Variants in ANXA3 observed in about 807,000 individuals in gnomAD.
The protein encoded by ANXA3 is 35-alpha calcimedin.
A neutral mutation model predicts 48.8 loss-of-function variants in ANXA3; 46 were observed. That is an observed-to-expected ratio of 0.94 (90% confidence interval 0.74 to 1.21). The LOEUF is 1.21. Among genes scored for constraint, ANXA3 ranks in the 50% most tolerant of loss-of-function variants. The pLI, the probability that ANXA3 is intolerant of heterozygous loss-of-function variation, is 0.00. For synonymous variants in ANXA3, 128 were observed against 134.7 expected, an observed-to-expected ratio of 0.95 and a Z score of 0.35; for missense variants, 383 against 378.6, an observed-to-expected ratio of 1.01 and a Z score of -0.10.
rs763898478 is a variant in ANXA3 at position 78,573,167 on chromosome 4, T to C, written c.16-13T>C. On this transcript the variant is annotated splice_polypyrimidine_tract_variant and intron_variant, in intron 2 of 12. Coordinates refer to ENST00000264908, the MANE Select transcript of ANXA3 (RefSeq NM_005139.3). ...ATTTTGAACCAATGGGACTTTCAAG[T>C]ATTTCCTTCTAGGTTGGACACCGAG... 1 of 1,590,518 alleles carries C rather than the reference T, an allele frequency of 6.3e-7. No individual in the cohort carries two copies. Among genetic ancestry groups the C allele is most frequent in the Admixed American group, 1.7e-5 (1 of 59,998 alleles).
At chr4:78,552,588 A>C (rs1438131471) in intron 1 of ANXA3, among the ~76,000 whole-genome samples, 6 of 152,170 alleles carry the variant, frequency 3.9e-5, no homozygotes, top group Non-Finnish European at 8.8e-5. Context: ...TATATAGGAA[A>C]GTATGCAGGT....
chr4:78,573,448 C>T (rs905931282), intron 3 of ANXA3, among the ~76,000 whole-genome samples, 181 bp downstream of exon 3: 3 of 152,168 alleles, frequency 2.0e-5, no homozygotes, highest in Non-Finnish European at 4.4e-5. Flanking sequence ...TAACATTTAT[C>T]ATATTTACTT....
chr4:78,602,213 C>G (rs1282737995), intron 11 of ANXA3: 1 of 134,354 alleles, frequency 7.4e-6, no homozygotes, highest in African/African-American at 2.9e-5. Flanking sequence ...GCACTCCAGT[C>G]TGGGCGACAG....
chr4:78,563,907 T>C (rs1054753193), intron 2 of ANXA3, among the ~76,000 whole-genome samples: 1 of 152,186 alleles, frequency 6.6e-6, no homozygotes, highest in Non-Finnish European at 1.5e-5. Flanking sequence ...GGGCTGAGTA[T>C]GTGGCCAGAA....
At chr4:78,572,933 C>A in intron 2 of ANXA3, 1 of 577,732 alleles carries the variant, frequency 1.7e-6, no homozygotes, top group Admixed American at 2.2e-5. Context: ...GTTAGTTTGC[C>A]CCACACCCAG....
intron 10 of ANXA3, 29 bp from the exon 11 acceptor site, chr4:78,601,481 A>C: frequency 6.2e-7 from 1 of 1,609,220 alleles, no homozygotes; most frequent in Non-Finnish European, 8.5e-7. Flanking sequence ...TATTCCGTGA[A>C]GCTGAACATT....
intron 10 of ANXA3, among the ~76,000 whole-genome samples, chr4:78,598,874 G>C (rs1330161895): frequency 6.6e-6 from 1 of 151,896 alleles, no homozygotes; most frequent in East Asian, 1.9e-4. Context: ...TCTGCTTGCT[G>C]TTTTTCATTT....
In ANXA3 at chr4:78,582,248, A is replaced by G. The variant is rs5946; in HGVS notation, c.270A>G (p.Pro90=). ...FEHLMVALVT[P]PAVFDAKQLK... The stretch of plus-strand genomic sequence containing the variant: ...ATCTCATGGTGGCCCTAGTGACTCC[A>G]CCAGCAGTCTTTGATGCAAAGCAGC... The change falls in exon 5 of 13, where the codon CCA becomes CCG. Residue 90 remains proline (P), a synonymous_variant. Transcript: ENST00000264908. 0.013 allele frequency: 20,832 copies of G among 1,613,556 alleles called. 971 individuals are homozygous for G. In the African/African-American group the frequency reaches 0.15, roughly 12 times the overall value.
At chr4:78,602,487 T>G (rs1723565291) in intron 11 of ANXA3, 1 of 152,186 alleles carries the variant, frequency 6.6e-6, no homozygotes, top group Non-Finnish European at 1.5e-5. Context: ...ACCTCAAGCT[T>G]GAGACCCAGT....
chr4:78,579,031 T>C lies in ANXA3; in HGVS notation c.108T>C (p.Thr36=). The part of the protein sequence containing the change: ...AIQKAIRGIG[T]DEKMLISILT... ...AATAACTTTTGTTTCATTTAGGAAC[T>C]GATGAGAAAATGCTCATCAGCATTC... Residue 36 remains threonine, a synonymous_variant, in exon 4 of 13, where the codon ACT becomes ACC. Coordinates refer to ENST00000264908, the MANE Select transcript of ANXA3 (RefSeq NM_005139.3). 1.2e-6 allele frequency: 2 copies of C among 1,607,564 alleles called. No homozygotes were observed. Among genetic ancestry groups the C allele is most frequent in the Non-Finnish European group, 1.7e-6 (2 of 1,174,452 alleles).
At chr4:78,599,105 C>A (rs568103340) in intron 10 of ANXA3, among the ~76,000 whole-genome samples, 6 of 152,140 alleles carry the variant, frequency 3.9e-5, no homozygotes, top group African/African-American at 1.2e-4. Flanking sequence ...TTGGAATAAA[C>A]CAGTTTATAA....
intron 9 of ANXA3, 51 bp downstream of exon 9, chr4:78,595,938 T>C: frequency 7.9e-7 from 1 of 1,265,668 alleles, no homozygotes. Context: ...TTTACAAATG[T>C]TTTTGCATTT....
chr4:78,551,989 G>A (rs1011723674), intron 1 of ANXA3, 130 bp downstream of exon 1: 1 of 152,318 alleles, frequency 6.6e-6, no homozygotes, highest in Admixed American at 6.5e-5. Context: ...CAGGGCTGGC[G>A]GCTGGCGCCC....
intron 2 of ANXA3, among the ~76,000 whole-genome samples, chr4:78,567,943 G>A (rs955860968): frequency 2.6e-5 from 4 of 152,206 alleles, no homozygotes; most frequent in African/African-American, 9.7e-5. Context: ...CTGGCAGCTC[G>A]CAGCTGCGTA....
At position 78,595,391 on chromosome 4, in the gene ANXA3, A is replaced by T; in HGVS notation, c.494A>T (p.Asp165Val). 6.2e-7 allele frequency: 1 copy of T among 1,613,708 alleles called. No homozygotes were observed. Among genetic ancestry groups the T allele is most frequent in the Non-Finnish European group, 8.5e-7 (1 of 1,179,848 alleles). Reference protein sequence around the residue: ...ALLTLADGRRDESLKVDEHLA... With the variant: ...ALLTLADGRRVESLKVDEHLA... ...CGTCCTCCTGTTTAGGGCAGAAGAG[A>T]TGAAAGTCTGAAAGTGGATGAGCAT... Residue 165 changes from aspartate (D) to valine (V), a missense_variant, in exon 8 of 13, where the codon GAT becomes GTT. Coordinates refer to ENST00000264908, the MANE Select transcript of ANXA3 (RefSeq NM_005139.3).
chr4:78,574,182 G>A (rs903492477), intron 3 of ANXA3, among the ~76,000 whole-genome samples: 1 of 152,160 alleles, frequency 6.6e-6, no homozygotes, highest in African/African-American at 2.4e-5. Flanking sequence ...ACTTTGGGAG[G>A]GGGAGGCAGG....
chr4:78,594,936 C>A (rs893313214), intron 7 of ANXA3, among the ~76,000 whole-genome samples: 1 of 152,100 alleles, frequency 6.6e-6, no homozygotes. Context: ...GAGTTTGAGA[C>A]CAGCCTGGGC....
chr4:78,572,671 C>G (rs911630783), intron 2 of ANXA3, among the ~76,000 whole-genome samples: 6 of 152,072 alleles, frequency 3.9e-5, no homozygotes, highest in Non-Finnish European at 8.8e-5. Context: ...ATGCAAAAGC[C>G]TAAAAGACTT....
chr4:78,556,210 A>G (rs1300958234), intron 2 of ANXA3, among the ~76,000 whole-genome samples: 3 of 152,234 alleles, frequency 2.0e-5, no homozygotes, highest in Non-Finnish European at 4.4e-5. Flanking sequence ...TCGATAGGGT[A>G]GGAATAAGTA....
Sources: allele counts gnomAD v4.1 joint callset (sites outside exome capture counted in the v4.1 genomes callset), GRCh38; gene constraint gnomAD v4.1.1; transcripts MANE v1.5; gene names NCBI Gene and HGNC (gene_info 2026-07-23, HGNC 2026-07-21).